MNAT1: variants seen among roughly 807,000 people sequenced by gnomAD.
The protein encoded by MNAT1 is MNAT1 component of CDK activating kinase, also known as CDK-activating kinase assembly factor MAT1.
A neutral mutation model predicts 42.0 loss-of-function variants in MNAT1; 43 were observed. That is an observed-to-expected ratio of 1.02 (90% CI 0.80 to 1.32). The LOEUF (loss-of-function observed/expected upper bound fraction) is 1.32, where lower values mean the gene tolerates loss of function less well. MNAT1 is among the 40% of genes most tolerant of loss of function. MNAT1 has a pLI of 0.00. For missense variants in MNAT1, 306 were observed against 350.4 expected (o/e 0.87, Z 1.01); for synonymous variants, 118 against 120.0 (o/e 0.98, Z 0.11).
intron 5 of MNAT1, among the ~76,000 whole-genome samples, chr14:60,815,486 G>A (rs2032683667): frequency 1.3e-5 from 2 of 152,064 alleles, no homozygotes; most frequent in Non-Finnish European, 2.9e-5. Context: ...AAGTGCTGGG[G>A]TTACTGGTGT....
intron 1 of MNAT1, among the ~76,000 whole-genome samples, chr14:60,794,176 T>G (rs925024427): frequency 1.3e-5 from 2 of 152,174 alleles, no homozygotes; most frequent in African/African-American, 4.8e-5. Flanking sequence ...TATCTTTAGT[T>G]AGTATAGTTG....
At chr14:60,954,981 A>G (rs1238203574) in intron 7 of MNAT1, among the ~76,000 whole-genome samples, 3 of 152,060 alleles carry the variant, frequency 2.0e-5, no homozygotes, top group Non-Finnish European at 4.4e-5. Flanking sequence ...AGATGATCAT[A>G]TGGTTTTTGT....
At position 60,794,650 on chromosome 14, in the gene MNAT1, A is replaced by ATAT. The variant is rs1173315769; in HGVS notation, c.90-1567_90-1566insTAT. Among the ~76,000 whole-genome samples the ATAT allele has an allele frequency of 8.5e-5, 8 of 93,808 alleles. No individual in the cohort carries two copies. In the South Asian group the frequency reaches 9.9e-4, roughly 12 times the overall value. 61.5% of individuals were successfully genotyped at this position (93,808 alleles called of 152,430 possible). On this transcript the variant is annotated intron_variant, in intron 1 of 7. Transcript: ENST00000261245. ...CACTGCATTCTCAAAAAAAAAAAAA[A>ATAT]AAAAAAAAAAATATATATATATATA... is the stretch of plus-strand genomic sequence containing the variant.
intron 3 of MNAT1, among the ~76,000 whole-genome samples, chr14:60,804,595 A>T (rs2300468): frequency 1.3e-5 from 2 of 152,116 alleles, no homozygotes; most frequent in African/African-American, 4.8e-5. Context: ...GTACTATCAT[A>T]GCTCGCTGTA....
intron 7 of MNAT1, among the ~76,000 whole-genome samples, chr14:60,897,146 T>C (rs1357184054): frequency 6.6e-6 from 1 of 152,164 alleles, no homozygotes; most frequent in Non-Finnish European, 1.5e-5. Flanking sequence ...ATTACTCAAA[T>C]ACTTGAATAG....
chr14:60,735,534 C>G (rs564182204), intron 1 of MNAT1, among the ~76,000 whole-genome samples: 3 of 152,158 alleles, frequency 2.0e-5, no homozygotes, highest in African/African-American at 4.8e-5. Flanking sequence ...TTGTGCCAGA[C>G]AGTGTTCTAA....
intron 7 of MNAT1, among the ~76,000 whole-genome samples, chr14:60,961,654 A>G (rs1006363182): frequency 1.3e-5 from 2 of 152,086 alleles, no homozygotes; most frequent in Non-Finnish European, 2.9e-5. Context: ...TTTCTGCTGG[A>G]TTATACGGTC....
At chr14:60,875,624 T>C (rs1167889979) in intron 6 of MNAT1, among the ~76,000 whole-genome samples, 2 of 152,150 alleles carry the variant, frequency 1.3e-5, no homozygotes, top group African/African-American at 4.8e-5. Context: ...TTTAGCATAG[T>C]GCCTAGCACA....
chr14:60,913,462 C>A (rs1436827697), intron 7 of MNAT1, among the ~76,000 whole-genome samples: 3 of 152,130 alleles, frequency 2.0e-5, no homozygotes, highest in East Asian at 3.9e-4. Context: ...GTGGTTTTAT[C>A]TACCTTGGGT....
At chr14:60,815,516 C>T (rs916439895) in intron 5 of MNAT1, among the ~76,000 whole-genome samples, 2 of 152,236 alleles carry the variant, frequency 1.3e-5, no homozygotes, top group Middle Eastern at 3.4e-3. Flanking sequence ...CGCCCAGCCG[C>T]ATATTCTTTT....
chr14:60,957,103 G>T (rs988623618), intron 7 of MNAT1, among the ~76,000 whole-genome samples: 2 of 152,058 alleles, frequency 1.3e-5, no homozygotes, highest in Admixed American at 6.6e-5. Context: ...TTTGTGATTT[G>T]ATGATTTTCT....
At chr14:60,904,397 G>A (rs913954729) in intron 7 of MNAT1, among the ~76,000 whole-genome samples, 1 of 151,910 alleles carries the variant, frequency 6.6e-6, no homozygotes, top group African/African-American at 2.4e-5. Context: ...GTTTTTGGGG[G>A]CATTTAAATT....
rs4151394 is a variant in MNAT1 at position 60,960,984 on chromosome 14, C to T, written c.810-7245C>T. Among the ~76,000 whole-genome samples, 559 of 151,570 alleles carry T rather than the reference C, an allele frequency of 3.7e-3. 1 individual carries two copies. Among genetic ancestry groups the T allele is most frequent in the African/African-American group, 0.011 (463 of 41,294 alleles). ...TTTCTTTTTTTTTCTTTTTTTGAGA[C>T]GGAGTGTTGCTCTTGTTGCCCAGGC... On this transcript the variant is annotated intron_variant, in intron 7 of 7. Transcript: ENST00000261245.
intron 7 of MNAT1, among the ~76,000 whole-genome samples, chr14:60,949,642 A>G (rs1280206969): frequency 1.3e-5 from 2 of 152,150 alleles, no homozygotes. Context: ...AGAGGAAAAT[A>G]TTTTCTTTAC....
Position 60,879,589 on chromosome 14 carries a change from A to T in MNAT1, c.688-125A>T, listed in dbSNP as rs896137582. 70 of 878,918 alleles carry T rather than the reference A, an allele frequency of 8.0e-5. 1 individual carries two copies. The highest frequency in any genetic ancestry group is 1.2e-4 in the Non-Finnish European group (69 of 589,820). 54.4% of individuals were successfully genotyped at this position (878,918 alleles called of 1,614,324 possible). A position where few individuals can be genotyped will look rare whatever the true frequency, so the allele number is the denominator to read the frequency against. On this transcript the variant is annotated intron_variant, in intron 6 of 7. Transcript: ENST00000261245. The stretch of plus-strand genomic sequence containing the variant: ...ATGCTGCAATGCATTGTACCCATGG[A>T]ACAGCACAACTAATGGCTAATACTT...
At chr14:60,735,476 GTAGT>G (rs1487506651) in intron 1 of MNAT1, among the ~76,000 whole-genome samples, 13 of 152,288 alleles carry the variant, frequency 8.5e-5, no homozygotes, top group Admixed American at 2.6e-4. Context: ...CGGACTGTAG[GTAGT>G]TAATTTTGAA....
intron 6 of MNAT1, among the ~76,000 whole-genome samples, chr14:60,852,930 G>T: frequency 6.6e-6 from 1 of 152,170 alleles, no homozygotes; most frequent in East Asian, 1.9e-4. Context: ...ACAGTATCAT[G>T]CTGTTTTGGT....
At chr14:60,967,557 T>TA (rs1230015604) in intron 7 of MNAT1, among the ~76,000 whole-genome samples, 5 of 152,178 alleles carry the variant, frequency 3.3e-5, no homozygotes, top group African/African-American at 4.8e-5. Context: ...TTAATTGCTT[T>TA]AAAAAAACTG....
intron 7 of MNAT1, among the ~76,000 whole-genome samples, chr14:60,960,371 A>G (rs1284596347): frequency 6.6e-6 from 1 of 152,168 alleles, no homozygotes; most frequent in Non-Finnish European, 1.5e-5. Context: ...CCTCTGCCTT[A>G]GGCCCTCCTC....
Sources: allele counts gnomAD v4.1 joint callset (sites outside exome capture counted in the v4.1 genomes callset), GRCh38; gene constraint gnomAD v4.1.1; transcripts MANE v1.5; gene names NCBI Gene and HGNC (gene_info 2026-07-23, HGNC 2026-07-21).